C1QTNF3: variants seen among roughly 807,000 people sequenced by gnomAD.
C1QTNF3 encodes complement C1q tumor necrosis factor-related protein 3.
In C1QTNF3, 26 loss-of-function variants were observed where a neutral mutation model predicts 32.6. That is an observed-to-expected ratio of 0.80 (90% confidence interval 0.58 to 1.11). C1QTNF3 has a LOEUF of 1.11. Among genes scored for constraint, C1QTNF3 ranks in the 50% least tolerant of loss-of-function variants. The pLI, the probability that C1QTNF3 is intolerant of heterozygous loss-of-function variation, is 0.00. For synonymous variants in C1QTNF3, 155 were observed against 146.0 expected, an observed-to-expected ratio of 1.06 and a Z score of -0.44; for missense variants, 362 against 398.2, an observed-to-expected ratio of 0.91 and a Z score of 0.77.
the C1QTNF3 span, among the ~76,000 whole-genome samples, chr5:34,113,044 C>T: frequency 5.3e-5 from 8 of 150,706 alleles, no homozygotes; most frequent in South Asian, 1.7e-3. Context: ...TTCATGCTTT[C>T]TTCCCCTAGA....
the C1QTNF3 span, among the ~76,000 whole-genome samples, chr5:34,212,323 C>A: frequency 6.6e-6 from 1 of 152,122 alleles, no homozygotes; most frequent in African/African-American, 2.4e-5. Flanking sequence ...CTAGGCATTA[C>A]CATTCAGGAC....
chr5:34,158,383 A>C, the C1QTNF3 span: 1 of 152,144 alleles, frequency 6.6e-6, no homozygotes, highest in East Asian at 1.9e-4. Context: ...CTGGGATTAC[A>C]GGTCTGAGCC....
Position 34,043,146 on chromosome 5 carries a change from A to T in C1QTNF3, c.-21T>A. On this transcript the variant is annotated 5_prime_UTR_variant, in exon 1 of 6. Transcript: ENST00000382065. ...AGCATGATTCTCAACAGAGCCTCAG[A>T]GTCTCCCTGAGAAGACAGCAGAGCT... is the stretch of plus-strand genomic sequence containing the variant. 6.3e-7 allele frequency: 1 copy of T among 1,599,004 alleles called. No homozygotes were observed. Among genetic ancestry groups the T allele is most frequent in the Non-Finnish European group, 8.5e-7 (1 of 1,173,898 alleles).
At chr5:34,201,476 C>A in the C1QTNF3 span, among the ~76,000 whole-genome samples, 1 of 152,002 alleles carries the variant, frequency 6.6e-6, no homozygotes, top group East Asian at 1.9e-4. Flanking sequence ...AGGCTCGTTG[C>A]TTAAACATAA....
intron 5 of C1QTNF3, among the ~76,000 whole-genome samples, chr5:34,022,524 C>G (rs1191717294): frequency 6.6e-6 from 1 of 152,194 alleles, no homozygotes; most frequent in Non-Finnish European, 1.5e-5. Flanking sequence ...TTGTGCTTCA[C>G]AGGCTGTCTC....
In C1QTNF3 at chr5:34,019,507, G is replaced by A. The variant is rs1178886843; in HGVS notation, c.*1076C>T. 1 of 152,192 alleles carries A rather than the reference G, an allele frequency of 6.6e-6. No individual in the cohort carries two copies. The allele number at this position is 152,192 out of a possible 1,614,324, so 9.4% of individuals were successfully genotyped here. A position where few individuals can be genotyped will look rare whatever the true frequency, so the allele number is the denominator to read the frequency against. ...CCTCTAAACATCAATGTCTTAAAGGGTTGACATTATAACAATGGAATAACT... is the reference window on the plus strand; with the variant it reads ...CCTCTAAACATCAATGTCTTAAAGGATTGACATTATAACAATGGAATAACT... On this transcript the variant is annotated 3_prime_UTR_variant, in exon 6 of 6. Coordinates refer to ENST00000382065, the MANE Select transcript of C1QTNF3 (RefSeq NM_181435.6).
the C1QTNF3 span, among the ~76,000 whole-genome samples, chr5:34,172,805 T>C: frequency 6.6e-6 from 1 of 152,192 alleles, no homozygotes; most frequent in Non-Finnish European, 1.5e-5. Context: ...TCTTTTAATA[T>C]CTTAAAATTT....
chr5:34,178,256 G>A, the C1QTNF3 span, among the ~76,000 whole-genome samples: 2 of 152,148 alleles, frequency 1.3e-5, no homozygotes, highest in Non-Finnish European at 2.9e-5. Flanking sequence ...ACTCCAGCCT[G>A]GGTGACAACT....
the C1QTNF3 span, among the ~76,000 whole-genome samples, chr5:34,075,287 A>C: frequency 6.6e-6 from 1 of 151,706 alleles, no homozygotes; most frequent in Admixed American, 6.6e-5. Flanking sequence ...TATCTAGTCT[A>C]CCATCAAAAC....
chr5:34,131,358 A>G, the C1QTNF3 span, among the ~76,000 whole-genome samples: 1 of 151,694 alleles, frequency 6.6e-6, no homozygotes, highest in Non-Finnish European at 1.5e-5. Flanking sequence ...AGTCACAAAT[A>G]AAACCTTAAA....
At chr5:34,226,452 CT>C in the C1QTNF3 span, among the ~76,000 whole-genome samples, 1 of 151,814 alleles carries the variant, frequency 6.6e-6, no homozygotes, top group African/African-American at 2.4e-5. Context: ...CTACAAAATG[CT>C]TTTGTTACTA....
the C1QTNF3 span, among the ~76,000 whole-genome samples, chr5:34,084,882 T>C: frequency 6.7e-6 from 1 of 148,514 alleles, no homozygotes; most frequent in African/African-American, 2.6e-5. Context: ...TTGCCATTAC[T>C]TTTGGTGTTT....
At chr5:34,082,131 T>C in the C1QTNF3 span, among the ~76,000 whole-genome samples, 1 of 151,716 alleles carries the variant, frequency 6.6e-6, no homozygotes, top group African/African-American at 2.4e-5. Context: ...TTTGCAACCA[T>C]TACATTGCAA....
At chr5:34,168,147 T>A in the C1QTNF3 span, 1 of 152,154 alleles carries the variant, frequency 6.6e-6, no homozygotes, top group East Asian at 1.9e-4. Flanking sequence ...AGTATTAATA[T>A]TTTTCCTGTG....
At chr5:34,148,027 G>C in the C1QTNF3 span, among the ~76,000 whole-genome samples, 2 of 152,212 alleles carry the variant, frequency 1.3e-5, no homozygotes, top group Non-Finnish European at 2.9e-5. Flanking sequence ...AGCAGGGCAA[G>C]GCATTGCCTC....
At chr5:34,134,294 T>C in the C1QTNF3 span, among the ~76,000 whole-genome samples, 1 of 152,082 alleles carries the variant, frequency 6.6e-6, no homozygotes, top group Non-Finnish European at 1.5e-5. Flanking sequence ...TGCAAACCAT[T>C]TGCACAGTCA....
At chr5:34,196,660 ATTTTTTT>A in the C1QTNF3 span, among the ~76,000 whole-genome samples, 2 of 140,986 alleles carry the variant, frequency 1.4e-5, no homozygotes, top group African/African-American at 5.2e-5. Context: ...TTAATTTTTA[ATTTTTTT>A]TTTTTTTTTT....
chr5:34,242,968 A>G, the C1QTNF3 span, among the ~76,000 whole-genome samples: 1 of 147,964 alleles, frequency 6.8e-6, no homozygotes, highest in Non-Finnish European at 1.5e-5. Context: ...CACACACTAT[A>G]ATTTTCTGTA....
chr5:34,236,006 T>C, the C1QTNF3 span, among the ~76,000 whole-genome samples: 19 of 152,306 alleles, frequency 1.2e-4, no homozygotes, highest in African/African-American at 4.6e-4. Context: ...ATCTGCAGTA[T>C]GTTGCTTCCA....
Sources: gnomAD v4.1 joint callset for allele counts (sites outside exome capture counted in the v4.1 genomes callset) on GRCh38, gnomAD v4.1.1 for gene constraint, MANE v1.5 for transcripts, NCBI Gene and HGNC (gene_info 2026-07-23, HGNC 2026-07-21) for gene names.